The following ADAM12 variants were observed in gnomAD, a reference collection of about 807,000 sequenced individuals.
The protein encoded by ADAM12 is disintegrin and metalloproteinase domain-containing protein 12.
In ADAM12, 70 loss-of-function variants were observed where a neutral mutation model predicts 106.4. The observed-to-expected ratio is 0.66, with a 90% CI of 0.54 to 0.80. The LOEUF is 0.80. Ranked by LOEUF, ADAM12 falls within the 30% of genes least tolerant of loss-of-function variation. ADAM12 has a pLI of 0.00. For missense variants in ADAM12, 1,010 were observed against 1,171.9 expected, an observed-to-expected ratio of 0.86 and a Z score of 2.02; for synonymous variants, 420 against 433.5, an observed-to-expected ratio of 0.97 and a Z score of 0.39.
chr10:126,107,085 GCA>G (rs1310099381), intron 8 of ADAM12, among the ~76,000 whole-genome samples: 1 of 152,064 alleles, frequency 6.6e-6, no homozygotes, highest in East Asian at 1.9e-4. Flanking sequence ...TGCATGCAGG[GCA>G]CACACACGTA....
At chr10:126,255,627 A>G (rs903369516) in intron 3 of ADAM12, among the ~76,000 whole-genome samples, 8 of 152,244 alleles carry the variant, frequency 5.3e-5, no homozygotes, top group Non-Finnish European at 8.8e-5. Flanking sequence ...TTATACTAAT[A>G]TCAAAACACA....
At chr10:126,051,649 C>G (rs1009842536) in intron 14 of ADAM12, among the ~76,000 whole-genome samples, 1 of 151,742 alleles carries the variant, frequency 6.6e-6, no homozygotes, top group African/African-American at 2.4e-5. Flanking sequence ...ATCCAGCCAG[C>G]CAGCCGGCCA....
rs995791696 is a variant in ADAM12, at chr10:126,053,956, C to G, written c.1610-4287G>C. Among the ~76,000 whole-genome samples the G allele has an allele frequency of 9.2e-5, 14 of 152,182 alleles. No individual in the cohort carries two copies. Among genetic ancestry groups the G allele is most frequent in the African/African-American group, 3.4e-4 (14 of 41,452 alleles). The stretch of plus-strand genomic sequence containing the variant: ...TCCTGACCTCAGGTGATTCACCCAC[C>G]TCAGCCTCCCAAAATGCTGGGATTA... On this transcript the variant is annotated intron_variant, in intron 14 of 22. Coordinates refer to ENST00000448723, the MANE Select transcript of ADAM12 (RefSeq NM_001288973.2). This position sits in a 1 kb window ranked among gnomAD's most constrained non-coding sequence, Gnocchi z 4.6.
At chr10:126,137,754 G>T (rs1221056368) in intron 4 of ADAM12, among the ~76,000 whole-genome samples, 3 of 152,206 alleles carry the variant, frequency 2.0e-5, no homozygotes, top group African/African-American at 7.2e-5. Context: ...CTTCTGCCTT[G>T]TGGATGAAAA....
intron 3 of ADAM12, among the ~76,000 whole-genome samples, chr10:126,265,610 G>T (rs1390043051): frequency 6.6e-6 from 1 of 152,180 alleles, no homozygotes; most frequent in African/African-American, 2.4e-5. Flanking sequence ...ATCTGCACAA[G>T]CCTGTACACT....
chr10:126,058,603 A>C (rs1954683733), intron 14 of ADAM12, among the ~76,000 whole-genome samples: 1 of 152,236 alleles, frequency 6.6e-6, no homozygotes, highest in Non-Finnish European at 1.5e-5. Flanking sequence ...ATGCAGCTCC[A>C]GCACTGAAAG....
At chr10:126,198,411 G>A (rs1166315123) in intron 3 of ADAM12, among the ~76,000 whole-genome samples, 2 of 152,248 alleles carry the variant, frequency 1.3e-5, no homozygotes, top group Non-Finnish European at 2.9e-5. Flanking sequence ...CCCACATGCT[G>A]GATTTGTCTC....
At chr10:126,174,754 C>T (rs897626209) in intron 3 of ADAM12, among the ~76,000 whole-genome samples, 4 of 148,236 alleles carry the variant, frequency 2.7e-5, no homozygotes, top group Admixed American at 6.7e-5. Context: ...GTCCTCACCC[C>T]CCCTTTTTTT....
intron 5 of ADAM12, among the ~76,000 whole-genome samples, chr10:126,119,282 G>A (rs922497080): frequency 2.0e-5 from 3 of 152,168 alleles, no homozygotes; most frequent in African/African-American, 7.2e-5. Context: ...TACTAGTTAT[G>A]TGACCTTAAC....
At chr10:126,191,285 G>C (rs922298747) in intron 3 of ADAM12, among the ~76,000 whole-genome samples, 5 of 151,872 alleles carry the variant, frequency 3.3e-5, no homozygotes, top group Non-Finnish European at 7.4e-5. Context: ...TGAGTCACCG[G>C]GCCCAGTCTA....
intron 5 of ADAM12, among the ~76,000 whole-genome samples, chr10:126,124,467 C>A (rs547452363): frequency 6.6e-6 from 1 of 152,056 alleles, no homozygotes. Flanking sequence ...TTTTACTATG[C>A]GCGAGACACT....
At chr10:126,097,749 C>G (rs1336420226) in intron 10 of ADAM12, among the ~76,000 whole-genome samples, 4 of 152,154 alleles carry the variant, frequency 2.6e-5, no homozygotes, top group Non-Finnish European at 5.9e-5. Context: ...AAGTGGAGCA[C>G]AAGCCCCCTG....
intron 7 of ADAM12, 24 bp from the exon 8 acceptor site, chr10:126,108,688 T>C (rs772058160): frequency 6.3e-7 from 1 of 1,589,892 alleles, no homozygotes; most frequent in Non-Finnish European, 8.6e-7. Context: ...AATGGCAGCA[T>C]TAATACCAGC....
chr10:126,130,659 C>T (rs1481869496), intron 5 of ADAM12, among the ~76,000 whole-genome samples: 1 of 152,190 alleles, frequency 6.6e-6, no homozygotes, highest in Admixed American at 6.5e-5. Flanking sequence ...AACTGGCAAC[C>T]CTGACAGTTG....
chr10:126,177,851 C>T (rs886813369), intron 3 of ADAM12, among the ~76,000 whole-genome samples: 1 of 152,028 alleles, frequency 6.6e-6, no homozygotes, highest in Non-Finnish European at 1.5e-5. Context: ...GGCTTTTGGC[C>T]AAAAAGAAAG....
chr10:126,375,697 TAA>T (rs34602029), intron 1 of ADAM12, among the ~76,000 whole-genome samples: 2 of 138,620 alleles, frequency 1.4e-5, no homozygotes, highest in Non-Finnish European at 3.1e-5. Context: ...TCATTAAAGT[TAA>T]AAAAAAAAAA....
intron 3 of ADAM12, among the ~76,000 whole-genome samples, chr10:126,198,766 C>A (rs1320730409): frequency 6.6e-6 from 1 of 152,172 alleles, no homozygotes; most frequent in Non-Finnish European, 1.5e-5. Context: ...TATGCTCTTT[C>A]CATTTTATTT....
intron 2 of ADAM12, among the ~76,000 whole-genome samples, chr10:126,307,864 A>C (rs1737712368): frequency 6.6e-6 from 1 of 152,214 alleles, no homozygotes; most frequent in African/African-American, 2.4e-5. Context: ...AAGTGCTGGA[A>C]TTACTTGCAT....
chr10:126,030,383 C>T (rs1006614696), intron 21 of ADAM12, among the ~76,000 whole-genome samples: 1 of 152,084 alleles, frequency 6.6e-6, no homozygotes. Flanking sequence ...TCCCAAATTG[C>T]GTTTTATAAA....
Sources: allele counts gnomAD v4.1 joint callset (sites outside exome capture counted in the v4.1 genomes callset), GRCh38; gene constraint gnomAD v4.1.1; non-coding constraint Gnocchi (gnomAD v3.1); transcripts MANE v1.5; gene names NCBI Gene and HGNC (gene_info 2026-07-23, HGNC 2026-07-21).